Variants in CNTNAP5 observed in about 807,000 individuals in gnomAD.
The protein encoded by CNTNAP5 is contactin associated protein family member 5, also known as contactin-associated protein-like 5.
In CNTNAP5, 72 loss-of-function variants were observed where a neutral mutation model predicts 150.2. The observed-to-expected ratio is 0.48, with a 90% CI of 0.40 to 0.58. The LOEUF (loss-of-function observed/expected upper bound fraction) is 0.58, where lower values mean the gene tolerates loss of function less well. Among genes scored for constraint, CNTNAP5 ranks in the 20% least tolerant of loss-of-function variants. The pLI, the probability that CNTNAP5 is intolerant of heterozygous loss-of-function variation, is 0.00. For synonymous variants in CNTNAP5, 672 were observed against 619.8 expected (o/e 1.08, Z -1.25); for missense variants, 1,636 against 1,626.2 (o/e 1.01, Z -0.10).
chr2:124,381,900 G>C (rs1690804701), intron 3 of CNTNAP5, among the ~76,000 whole-genome samples: 1 of 152,180 alleles, frequency 6.6e-6, no homozygotes, highest in African/African-American at 2.4e-5. Flanking sequence ...AAGGGAAGAG[G>C]CGTGAAGCAA....
In CNTNAP5 at chr2:124,786,383, GAAAGAAAGAAAGAAA is replaced by G. The variant is rs1273662470; in HGVS notation, c.2753-3518_2753-3504del. Among the ~76,000 whole-genome samples, 9 of 83,216 alleles carry G rather than the reference GAAAGAAAGAAAGAAA, an allele frequency of 1.1e-4. No individual in the cohort carries two copies. In the South Asian group the frequency reaches 1.4e-3, roughly 13 times the overall value. 54.6% of individuals were successfully genotyped at this position (83,216 alleles called of 152,430 possible). On this transcript the variant is annotated intron_variant, in intron 17 of 23. Transcript: ENST00000682447. ...AGAAAGAAAGAAAGAAAGAAAGAAA[GAAAGAAAGAAAGAAA>G]GAAGGAAGGAAGGAAGGAAGGAAGG...
chr2:124,271,248 T>TA lies in CNTNAP5; in HGVS notation c.381+28865dup, dbSNP rs996862060. On this transcript the variant is annotated intron_variant, in intron 3 of 23. Transcript: ENST00000682447. ...ACAGTCTTGAGAGAAGCACAGAATT[T>TA]AAAAAAAAAAGGAAAATAAATTCCA... Among the ~76,000 whole-genome samples, 296 of 148,752 alleles carry TA rather than the reference T, an allele frequency of 2.0e-3. 1 individual carries two copies. The highest frequency in any genetic ancestry group is 0.015 in the East Asian group (79 of 5,098).
At chr2:124,664,711 A>G (rs1379226522) in intron 13 of CNTNAP5, among the ~76,000 whole-genome samples, 2 of 152,216 alleles carry the variant, frequency 1.3e-5, no homozygotes, top group African/African-American at 4.8e-5. Flanking sequence ...TTTGAGACGG[A>G]GTTTTGCTCT....
intron 3 of CNTNAP5, among the ~76,000 whole-genome samples, chr2:124,369,415 G>A (rs778634243): frequency 9.6e-4 from 141 of 146,874 alleles, no homozygotes; most frequent in African/African-American, 3.1e-3. Context: ...ACAAAGAAGC[G>A]TTAAAAAACT....
chr2:124,777,719 T>C (rs1437166784), intron 17 of CNTNAP5, among the ~76,000 whole-genome samples: 1 of 151,818 alleles, frequency 6.6e-6, no homozygotes, highest in Non-Finnish European at 1.5e-5. Flanking sequence ...GAGCTCATAT[T>C]GTGATCTTTT....
intron 19 of CNTNAP5, among the ~76,000 whole-genome samples, chr2:124,824,110 T>C (rs1682544890): frequency 6.6e-6 from 1 of 151,388 alleles, no homozygotes; most frequent in African/African-American, 2.4e-5. Flanking sequence ...TAGAGATGGG[T>C]TTTCGTCATG....
intron 1 of CNTNAP5, among the ~76,000 whole-genome samples, chr2:124,095,555 C>A (rs938131176): frequency 1.3e-5 from 2 of 152,152 alleles, no homozygotes; most frequent in African/African-American, 4.8e-5. Flanking sequence ...CTGGCTCTTT[C>A]CCTTTCCTGT....
chr2:124,663,363 G>A (rs1447881020), intron 13 of CNTNAP5, among the ~76,000 whole-genome samples: 1 of 152,090 alleles, frequency 6.6e-6, no homozygotes, highest in Non-Finnish European at 1.5e-5. Context: ...AAAGCTATCT[G>A]AGTAATCATT....
Position 124,242,313 on chromosome 2 carries a change from G to T in CNTNAP5, c.301G>T (p.Asp101Tyr). 1 of 1,613,188 alleles carries T rather than the reference G, an allele frequency of 6.2e-7. No individual in the cohort carries two copies. The highest frequency in any genetic ancestry group is 1.1e-5 in the South Asian group (1 of 90,962). Residue 101 changes from aspartate to tyrosine, a missense_variant, in exon 3 of 24, where the codon GAC (aspartate) becomes TAC (tyrosine). Physicochemically the swap from Asp to Tyr is radical, Grantham distance 160. Transcript: ENST00000682447. ...CACGCAGGGAAGATACGGAAGCTCT[G>T]ACTGGGTGACGAGTTACAGCCTGAT... ...VATQGRYGSS[D>Y]WVTSYSLMFS...
chr2:124,208,850 C>T (rs1403931919), intron 1 of CNTNAP5, among the ~76,000 whole-genome samples: 2 of 152,192 alleles, frequency 1.3e-5, no homozygotes, highest in African/African-American at 4.8e-5. Flanking sequence ...CAGAGGTTCA[C>T]AGGATAGTTA....
chr2:124,794,246 T>A (rs1681796867), intron 18 of CNTNAP5, among the ~76,000 whole-genome samples: 1 of 152,218 alleles, frequency 6.6e-6, no homozygotes, highest in African/African-American at 2.4e-5. Flanking sequence ...AAGTTGAGGT[T>A]CTGGTTCATC....
intron 7 of CNTNAP5, among the ~76,000 whole-genome samples, chr2:124,475,913 C>T (rs1693628606): frequency 6.6e-6 from 1 of 151,816 alleles, no homozygotes; most frequent in South Asian, 2.1e-4. Context: ...GGCTTAAGTG[C>T]CTGTTTATTT....
chr2:124,150,186 T>C (rs1286905062), intron 1 of CNTNAP5, among the ~76,000 whole-genome samples: 1 of 152,226 alleles, frequency 6.6e-6, no homozygotes, highest in Admixed American at 6.5e-5. Flanking sequence ...AAAGTATTCA[T>C]TTGCTGTTAT....
At chr2:124,248,041 C>T (rs898484144) in intron 3 of CNTNAP5, among the ~76,000 whole-genome samples, 3 of 152,158 alleles carry the variant, frequency 2.0e-5, no homozygotes, top group Admixed American at 6.6e-5. Context: ...TGCCCAGAAT[C>T]TTGCTGCTGA....
intron 7 of CNTNAP5, among the ~76,000 whole-genome samples, chr2:124,482,993 C>A (rs903137497): frequency 6.6e-6 from 1 of 152,172 alleles, no homozygotes; most frequent in Non-Finnish European, 1.5e-5. Flanking sequence ...TCTAACCAGA[C>A]CCGGATTACT....
chr2:124,695,865 G>T (rs986382770), intron 13 of CNTNAP5, among the ~76,000 whole-genome samples: 2 of 152,126 alleles, frequency 1.3e-5, no homozygotes, highest in African/African-American at 4.8e-5. Context: ...CCTGTCCCAG[G>T]TTCCTTGTGC....
At chr2:124,202,772 C>T (rs1685760982) in intron 1 of CNTNAP5, among the ~76,000 whole-genome samples, 1 of 152,098 alleles carries the variant, frequency 6.6e-6, no homozygotes, top group Admixed American at 6.5e-5. Context: ...GACTTATTCA[C>T]TAGCACAAGA....
At chr2:124,524,188 G>T in intron 8 of CNTNAP5, 115 bp from the exon 9 acceptor site, 1 of 933,696 alleles carries the variant, frequency 1.1e-6, no homozygotes, top group Non-Finnish European at 1.7e-6. Context: ...AGCCGAGTGA[G>T]GAGTGGGTTT....
At chr2:124,660,001 A>G (rs1427917436) in intron 13 of CNTNAP5, among the ~76,000 whole-genome samples, 2 of 150,242 alleles carry the variant, frequency 1.3e-5, no homozygotes, top group Non-Finnish European at 3.0e-5. Flanking sequence ...GTCACAGAGG[A>G]TGGAAAGAAA....
Sources: allele counts gnomAD v4.1 joint callset (sites outside exome capture counted in the v4.1 genomes callset), GRCh38; gene constraint gnomAD v4.1.1; transcripts MANE v1.5; gene names NCBI Gene and HGNC (gene_info 2026-07-23, HGNC 2026-07-21).